The following MAML1 variants were observed in gnomAD, a reference collection of about 807,000 sequenced individuals.
MAML1 encodes mastermind-like protein 1.
In MAML1, 14 loss-of-function variants were observed where a neutral mutation model predicts 77.1. The ratio of observed to expected loss-of-function variants is 0.18; its 90% CI spans 0.12 to 0.28. The LOEUF is 0.28. MAML1 is among the 10% of genes least tolerant of loss of function. The pLI, the probability that MAML1 is intolerant of heterozygous loss-of-function variation, is 1.00. For missense variants in MAML1, 1,217 were observed against 1,327.8 expected, an observed-to-expected ratio of 0.92 and a Z score of 1.30; for synonymous variants, 516 against 551.9, an observed-to-expected ratio of 0.93 and a Z score of 0.91.
chr5:179,755,702 CTT>C lies in MAML1; in HGVS notation c.316-9612_316-9611del, dbSNP rs398000090. Among the ~76,000 whole-genome samples the C allele has an allele frequency of 7.1e-4, 101 of 142,274 alleles. 3 individuals are homozygous for C. Among genetic ancestry groups the C allele is most frequent in the Non-Finnish European group, 1.1e-4 (7 of 64,794 alleles). 93.3% of individuals were successfully genotyped at this position (142,274 alleles called of 152,430 possible). A position where few individuals can be genotyped will look rare whatever the true frequency, so the allele number is the denominator to read the frequency against. On this transcript the variant is annotated intron_variant, in intron 1 of 4. Transcript: ENST00000292599. ...AACACTATGAGATTTATGCATGGAC[CTT>C]TTTTTTTTTTTAAGCTCATCAGCTA...
rs913385508 is a variant in MAML1 at position 179,732,857 on chromosome 5, G to A, written c.-256G>A. On this transcript the variant is annotated 5_prime_UTR_variant, in exon 1 of 5. Transcript: ENST00000292599. ...AAAACAATTTTAAGATGGCGGCCGC[G>A]GCGGTAGCGCGGAAAACAATGGGGC... 5 of 240,764 alleles carry A rather than the reference G, an allele frequency of 2.1e-5. No homozygotes were observed. The highest frequency in any genetic ancestry group is 5.6e-5 in the Admixed American group (1 of 17,884). The allele number at this position is 240,764 out of a possible 1,614,324, so 14.9% of individuals were successfully genotyped here.
chr5:179,776,246 G>A lies in MAML1; in HGVS notation c.*1369G>A. 3 of 985,902 alleles carry A rather than the reference G, an allele frequency of 3.0e-6. No homozygotes were observed. Among genetic ancestry groups the A allele is most frequent in the Non-Finnish European group, 3.6e-6 (3 of 829,966 alleles). The allele number at this position is 985,902 out of a possible 1,614,324, so 61.1% of individuals were successfully genotyped here. On this transcript the variant is annotated 3_prime_UTR_variant, in exon 5 of 5. Coordinates refer to ENST00000292599, the MANE Select transcript of MAML1 (RefSeq NM_014757.5). ...TGGCTCAGATGCAGAGTGTTCTGTG[G>A]AGAAACTGCAGCCCCACTTCTGTTT...
chr5:179,734,085 T>C (rs1175279938), intron 1 of MAML1, among the ~76,000 whole-genome samples: 1 of 152,226 alleles, frequency 6.6e-6, no homozygotes, highest in African/African-American at 2.4e-5. Context: ...TGATGTTAGA[T>C]TGTTGGTCAA....
Position 179,774,936 on chromosome 5 carries a change from A to G in MAML1, c.*59A>G, listed in dbSNP as rs1581951613. ...ATCCTATATTTTTATTCTCAGATTC[A>G]AAGAAAGAGCAACTACTTTGGACCA... On this transcript the variant is annotated 3_prime_UTR_variant, in exon 5 of 5. Transcript: ENST00000292599. The G allele has an allele frequency of 3.3e-6, 5 of 1,520,930 alleles. No individual in the cohort carries two copies. In the East Asian group the frequency reaches 1.1e-4, roughly 35 times the overall value. 94.2% of individuals were successfully genotyped at this position (1,520,930 alleles called of 1,614,324 possible).
Position 179,777,249 on chromosome 5 carries a change from C to A in MAML1, c.*2372C>A. 1.0e-6 allele frequency: 1 copy of A among 964,054 alleles called. No homozygotes were observed. Among genetic ancestry groups the A allele is most frequent in the Non-Finnish European group, 1.2e-6 (1 of 810,388 alleles). The allele number at this position is 964,054 out of a possible 1,614,324, so 59.7% of individuals were successfully genotyped here. A position where few individuals can be genotyped will look rare whatever the true frequency, so the allele number is the denominator to read the frequency against. ...GAAATCTTTACTTTCCTTGTTTTAT[C>A]ATTATAAAAATAAAGTATTTTGCTA... On this transcript the variant is annotated 3_prime_UTR_variant, in exon 5 of 5. Transcript: ENST00000292599.
At position 179,776,127 on chromosome 5, in the gene MAML1, G is replaced by A; in HGVS notation, c.*1250G>A. Reference sequence around the variant, plus strand: ...GAGCTGTTTTTGGAAAACGAAGATGGAGAGAGCACTTCCCCGTAACGAAAG... The same window carrying A: ...GAGCTGTTTTTGGAAAACGAAGATGAAGAGAGCACTTCCCCGTAACGAAAG... On this transcript the variant is annotated 3_prime_UTR_variant, in exon 5 of 5. Transcript: ENST00000292599. 7.1e-6 allele frequency: 7 copies of A among 985,932 alleles called. No homozygotes were observed. Among genetic ancestry groups the A allele is most frequent in the Non-Finnish European group, 7.2e-6 (6 of 829,944 alleles). The allele number at this position is 985,932 out of a possible 1,614,324, so 61.1% of individuals were successfully genotyped here.
intron 1 of MAML1, among the ~76,000 whole-genome samples, chr5:179,752,837 A>G (rs575980961): frequency 2.0e-5 from 3 of 152,046 alleles, no homozygotes; most frequent in African/African-American, 7.2e-5. Context: ...GCAGTGGTGC[A>G]ATCTCGGCTC....
chr5:179,742,862 A>G (rs773785238), intron 1 of MAML1, among the ~76,000 whole-genome samples: 55 of 152,148 alleles, frequency 3.6e-4, no homozygotes, highest in Non-Finnish European at 6.6e-4. Context: ...GCATGAAGAC[A>G]TGAGCTCTTA....
At position 179,776,701 on chromosome 5, in the gene MAML1, C is replaced by G. The variant is rs1287510710; in HGVS notation, c.*1824C>G. On this transcript the variant is annotated 3_prime_UTR_variant, in exon 5 of 5. Transcript: ENST00000292599. ...CTCTCCTGACCCCATCTGGCTGCTG[C>G]CCCGTCTCCCACCCCTGTCCCCGGG... is the stretch of plus-strand genomic sequence containing the variant. The G allele has an allele frequency of 1.0e-6, 1 of 985,926 alleles. No homozygotes were observed. The highest frequency in any genetic ancestry group is 1.2e-6 in the Non-Finnish European group (1 of 830,004). 61.1% of individuals were successfully genotyped at this position (985,926 alleles called of 1,614,324 possible). A position where few individuals can be genotyped will look rare whatever the true frequency, so the allele number is the denominator to read the frequency against.
Position 179,774,591 on chromosome 5 carries a change from C to T in MAML1, c.2765C>T (p.Thr922Ile), listed in dbSNP as rs1186539378. The change falls in exon 5 of 5, where the codon ACA becomes ATA. Residue 922 changes from threonine (T) to isoleucine (I), a missense_variant. By Grantham distance (89) the Thr-to-Ile change is moderately conservative. This residue lies in a region of MAML1 where 884 missense variants were observed against 949.3 expected (regional missense o/e 0.93). Coordinates refer to ENST00000292599, the MANE Select transcript of MAML1 (RefSeq NM_014757.5). ...TSAPAPAPPP[T>I]APQQGLPGLS... is the part of the protein sequence containing the mutation. ...GCCCCTGCCCCAGCACCACCCCCAA[C>T]AGCCCCTCAGCAGGGCTTGCCTGGC... 1 of 1,612,348 alleles carries T rather than the reference C, an allele frequency of 6.2e-7. No homozygotes were observed. The highest frequency in any genetic ancestry group is 2.2e-5 in the East Asian group (1 of 44,890).
chr5:179,756,270 A>G (rs999801882), intron 1 of MAML1, among the ~76,000 whole-genome samples: 1 of 151,424 alleles, frequency 6.6e-6, no homozygotes, highest in Non-Finnish European at 1.5e-5. Context: ...CTAAAAATAC[A>G]AAAAATTGGC....
chr5:179,733,382 G>A lies in MAML1; in HGVS notation c.270G>A (p.Pro90=). Residue 90 remains proline (P), a synonymous_variant, in exon 1 of 5, where the codon CCG becomes CCA. Transcript: ENST00000292599. The part of the protein sequence containing the change: ...ATAPAPAAPA[P]RLDAADGPEH... ...CCCCGGCGCCCGCCGCCCCGGCCCC[G>A]CGCCTGGACGCCGCTGACGGCCCCG... 4 of 1,196,298 alleles carry A rather than the reference G, an allele frequency of 3.3e-6. No individual in the cohort carries two copies. The highest frequency in any genetic ancestry group is 4.1e-6 in the Non-Finnish European group (4 of 970,812). 74.1% of individuals were successfully genotyped at this position (1,196,298 alleles called of 1,614,324 possible).
At chr5:179,739,495 A>G (rs1779237964) in intron 1 of MAML1, among the ~76,000 whole-genome samples, 2 of 152,318 alleles carry the variant, frequency 1.3e-5, no homozygotes, top group South Asian at 4.1e-4. Flanking sequence ...TGAGCCCAGG[A>G]GTTCAAGACC....
chr5:179,752,340 A>ATATATATATATATATAT (rs1413175645), intron 1 of MAML1, among the ~76,000 whole-genome samples: 4 of 53,492 alleles, frequency 7.5e-5, no homozygotes, highest in South Asian at 8.4e-4. Flanking sequence ...AAAAAAAAAA[A>ATATATATATATATATAT]AAAAAAAAAA....
At chr5:179,736,310 T>C (rs927091789) in intron 1 of MAML1, among the ~76,000 whole-genome samples, 2 of 151,980 alleles carry the variant, frequency 1.3e-5, no homozygotes, top group African/African-American at 4.8e-5. Context: ...TGGAGTGCAA[T>C]GGTGCCATCT....
rs534411110 is a variant in MAML1, at chr5:179,769,938, A to G, written c.1971+849A>G. ...TCCCTGCCTCAGTTCTGCCTTTAAG[A>G]AAAGCAGCTTTATTGTGATGTAACT... On this transcript the variant is annotated intron_variant, in intron 3 of 4. Coordinates refer to ENST00000292599, the MANE Select transcript of MAML1 (RefSeq NM_014757.5). This position sits in a 1 kb window ranked among gnomAD's most constrained non-coding sequence, Gnocchi z 4.2. 6.6e-6 allele frequency among the ~76,000 whole-genome samples: 1 copy of G among 152,358 alleles called. No homozygotes were observed. Among genetic ancestry groups the G allele is most frequent in the Admixed American group, 6.5e-5 (1 of 15,308 alleles).
intron 1 of MAML1, among the ~76,000 whole-genome samples, chr5:179,737,495 A>G (rs1366428417): frequency 6.6e-6 from 1 of 151,908 alleles, no homozygotes; most frequent in Non-Finnish European, 1.5e-5. Flanking sequence ...ATTTTTGACA[A>G]CTCCATGTAT....
In MAML1 at chr5:179,733,126, C is replaced by G. The variant is rs1402625694; in HGVS notation, c.14C>G (p.Thr5Ser). The change falls in exon 1 of 5, where the codon ACC becomes AGC. Residue 5 changes from threonine (T) to serine (S), a missense_variant. Thr to Ser is a moderately conservative substitution (Grantham distance 58). Coordinates refer to ENST00000292599, the MANE Select transcript of MAML1 (RefSeq NM_014757.5). ...AGCCCGCGGCCCATGGTGCTGCCCA[C>G]CTGCCCCATGGCGGAGTTCGCGCTG... is the stretch of plus-strand genomic sequence containing the variant. Reference protein sequence around the residue: MVLPTCPMAEFALPR... With the variant: MVLPSCPMAEFALPR... 1 of 1,438,130 alleles carries G rather than the reference C, an allele frequency of 7.0e-7. No homozygotes were observed. The highest frequency in any genetic ancestry group is 2.5e-5 in the Admixed American group (1 of 39,282). The allele number at this position is 1,438,130 out of a possible 1,614,324, so 89.1% of individuals were successfully genotyped here. A position where few individuals can be genotyped will look rare whatever the true frequency, so the allele number is the denominator to read the frequency against.
At chr5:179,746,384 T>G (rs1581928235) in intron 1 of MAML1, among the ~76,000 whole-genome samples, 1 of 151,848 alleles carries the variant, frequency 6.6e-6, no homozygotes, top group South Asian at 2.1e-4. Context: ...CAATGTTTTG[T>G]TTTTTTTGAG....
Sources: allele counts gnomAD v4.1 joint callset (sites outside exome capture counted in the v4.1 genomes callset), GRCh38; gene constraint gnomAD v4.1.1; regional missense constraint gnomAD v4.1.1; non-coding constraint Gnocchi (gnomAD v3.1); transcripts MANE v1.5; gene names NCBI Gene and HGNC (gene_info 2026-07-23, HGNC 2026-07-21).